The following SH3GL3 variants were observed in gnomAD, a reference collection of about 807,000 sequenced individuals.
SH3GL3 encodes SH3 domain containing GRB2 like 3, endophilin A3.
In SH3GL3, 33 loss-of-function variants were observed where a neutral mutation model predicts 47.7. The observed-to-expected ratio is 0.69, with a 90% CI of 0.52 to 0.92. SH3GL3 has a LOEUF of 0.92. Ranked by LOEUF, SH3GL3 falls within the 40% of genes least tolerant of loss-of-function variation. The probability of loss-of-function intolerance (pLI) is 0.00; values close to 1 mark genes in which losing one functional copy is unlikely to be tolerated. For missense variants in SH3GL3, 363 were observed against 417.8 expected, an observed-to-expected ratio of 0.87 and a Z score of 1.14; for synonymous variants, 155 against 148.8, an observed-to-expected ratio of 1.04 and a Z score of -0.30.
At chr15:83,567,051 C>G (rs2045582775) in intron 3 of SH3GL3, among the ~76,000 whole-genome samples, 1 of 152,160 alleles carries the variant, frequency 6.6e-6, no homozygotes, top group African/African-American at 2.4e-5. Context: ...AAAAGTATCT[C>G]AAATACCACA....
At chr15:83,556,934 C>T (rs1002823925) in intron 1 of SH3GL3, among the ~76,000 whole-genome samples, 1 of 152,182 alleles carries the variant, frequency 6.6e-6, no homozygotes, top group African/African-American at 2.4e-5. Context: ...GTCTTTCATT[C>T]TCCAACAAGG....
chr15:83,467,437 G>A (rs2040618766), intron 1 of SH3GL3, among the ~76,000 whole-genome samples: 1 of 152,166 alleles, frequency 6.6e-6, no homozygotes, highest in Admixed American at 6.5e-5. Flanking sequence ...GATGACTGTA[G>A]CTATATTCTA....
At chr15:83,535,072 G>A (rs1177491630) in intron 1 of SH3GL3, among the ~76,000 whole-genome samples, 2 of 149,046 alleles carry the variant, frequency 1.3e-5, no homozygotes, top group Non-Finnish European at 3.0e-5. Context: ...GTATTTTTTA[G>A]TTTTTGAAAA....
At chr15:83,582,179 A>G (rs917509016) in intron 6 of SH3GL3, among the ~76,000 whole-genome samples, 3 of 152,224 alleles carry the variant, frequency 2.0e-5, no homozygotes, top group East Asian at 1.9e-4. Context: ...ATTCCTCATT[A>G]TTCCTCACAA....
chr15:83,488,555 C>A (rs912294488), intron 1 of SH3GL3, among the ~76,000 whole-genome samples: 1 of 152,182 alleles, frequency 6.6e-6, no homozygotes, highest in African/African-American at 2.4e-5. Context: ...GAAAAATACG[C>A]CTCTTCCTCG....
intron 6 of SH3GL3, among the ~76,000 whole-genome samples, chr15:83,582,520 C>T (rs916373376): frequency 1.3e-5 from 2 of 152,222 alleles, no homozygotes; most frequent in Non-Finnish European, 2.9e-5. Context: ...GTTTCTTTAT[C>T]ACAAGACTTT....
intron 4 of SH3GL3, among the ~76,000 whole-genome samples, chr15:83,570,587 A>G (rs1459871237): frequency 6.6e-6 from 1 of 152,206 alleles, no homozygotes; most frequent in East Asian, 1.9e-4. Context: ...TGGATTTAAT[A>G]TATTAAGTAT....
chr15:83,607,840 A>AAATAATAATAAT (rs60113695), intron 8 of SH3GL3, among the ~76,000 whole-genome samples: 2,075 of 142,922 alleles, frequency 0.015, 31 homozygotes, highest in East Asian at 0.03. Context: ...TCAGAGTGGC[A>AAATAATAATAAT]AATAATAATA....
At chr15:83,560,031 G>A (rs1228330243) in intron 2 of SH3GL3, among the ~76,000 whole-genome samples, 1 of 152,200 alleles carries the variant, frequency 6.6e-6, no homozygotes, top group Non-Finnish European at 1.5e-5. Context: ...GGTGGAGGCA[G>A]AACTAGAACC....
chr15:83,545,331 T>C (rs756652408), intron 1 of SH3GL3, among the ~76,000 whole-genome samples: 1 of 152,172 alleles, frequency 6.6e-6, no homozygotes, highest in Non-Finnish European at 1.5e-5. Context: ...GTCAGTTGAA[T>C]TTTTCAGCTC....
intron 1 of SH3GL3, among the ~76,000 whole-genome samples, chr15:83,537,949 A>G (rs2043991383): frequency 6.6e-6 from 1 of 152,148 alleles, no homozygotes. Context: ...AGATGTGTGT[A>G]TTTGGTCCGC....
chr15:83,544,308 C>T (rs528117680), intron 1 of SH3GL3, among the ~76,000 whole-genome samples: 4 of 152,056 alleles, frequency 2.6e-5, no homozygotes, highest in South Asian at 2.1e-4. Context: ...TTCATGTGTT[C>T]GTATAGTTTT....
chr15:83,488,863 C>T (rs745630494), intron 1 of SH3GL3, among the ~76,000 whole-genome samples: 6 of 152,230 alleles, frequency 3.9e-5, no homozygotes, highest in African/African-American at 9.6e-5. Context: ...ACTCTTGCTA[C>T]CCCTTTCCTC....
At chr15:83,456,580 G>A (rs1359492500) in intron 1 of SH3GL3, among the ~76,000 whole-genome samples, 5 of 114,628 alleles carry the variant, frequency 4.4e-5, no homozygotes, top group African/African-American at 1.7e-4. Flanking sequence ...TTCCAGGTGC[G>A]TCCGTCACCC....
intron 1 of SH3GL3, among the ~76,000 whole-genome samples, chr15:83,492,227 G>A (rs1378197603): frequency 7.2e-6 from 1 of 138,202 alleles, no homozygotes; most frequent in Non-Finnish European, 1.5e-5. Context: ...AGGTTGCAGT[G>A]AGCCAAGATC....
In SH3GL3 at chr15:83,458,225, G is replaced by A. The variant is rs552294297; in HGVS notation, c.45+10647G>A. 2.6e-5 allele frequency among the ~76,000 whole-genome samples: 4 copies of A among 152,338 alleles called. No homozygotes were observed. In the East Asian group the frequency reaches 7.7e-4, roughly 29 times the overall value. ...GGGAAAGTGTTGAGCTGAGGGGAGA[G>A]TCTGAGAGAAGTACTATTGATGAGA... On this transcript the variant is annotated intron_variant, in intron 1 of 8. Coordinates refer to ENST00000427482, the MANE Select transcript of SH3GL3 (RefSeq NM_003027.5).
intron 3 of SH3GL3, 141 bp downstream of exon 3, chr15:83,565,347 A>G (rs770259067): frequency 3.9e-5 from 26 of 661,430 alleles, no homozygotes; most frequent in Non-Finnish European, 6.8e-5. Context: ...CTGAGTCTCC[A>G]GTGACCAAAG....
chr15:83,595,364 G>C (rs2060210858), intron 8 of SH3GL3, among the ~76,000 whole-genome samples: 1 of 152,134 alleles, frequency 6.6e-6, no homozygotes, highest in Non-Finnish European at 1.5e-5. Flanking sequence ...GGTGGAGGTT[G>C]GGAGGAGGGT....
At chr15:83,566,178 GA>G (rs2045526162) in intron 3 of SH3GL3, among the ~76,000 whole-genome samples, 1 of 152,118 alleles carries the variant, frequency 6.6e-6, no homozygotes. Flanking sequence ...GCTGACTCTT[GA>G]ATGGGATAAG....
Sources: allele counts gnomAD v4.1 joint callset (sites outside exome capture counted in the v4.1 genomes callset), GRCh38; gene constraint gnomAD v4.1.1; transcripts MANE v1.5; gene names NCBI Gene and HGNC (gene_info 2026-07-23, HGNC 2026-07-21).